The following UBTD2 variants were observed in gnomAD, a reference collection of about 807,000 sequenced individuals.
UBTD2 encodes the protein ubiquitin domain-containing protein 2.
Under a neutral mutation model 19.8 loss-of-function variants are expected in UBTD2, and 9 were observed. That is an observed-to-expected ratio of 0.46 (90% CI 0.27 to 0.79). UBTD2 has a LOEUF of 0.79. Ranked by LOEUF, UBTD2 falls within the 30% of genes least tolerant of loss-of-function variation. UBTD2 has a pLI of 0.14. For missense variants in UBTD2, 250 were observed against 300.4 expected (o/e 0.83, Z 1.24); for synonymous variants, 98 against 103.9 (o/e 0.94, Z 0.35).
chr5:172,259,467 A>G (rs189043156), intron 1 of UBTD2, among the ~76,000 whole-genome samples: 67 of 152,166 alleles, frequency 4.4e-4, no homozygotes, highest in African/African-American at 1.5e-3. Flanking sequence ...AAATGACTAT[A>G]ATTATAGTAA....
intron 2 of UBTD2, among the ~76,000 whole-genome samples, chr5:172,216,301 T>C (rs1190436897): frequency 6.6e-6 from 1 of 151,634 alleles, no homozygotes; most frequent in East Asian, 1.9e-4. Context: ...AACATACACA[T>C]GATGGGAACA....
intron 2 of UBTD2, among the ~76,000 whole-genome samples, chr5:172,218,790 T>TAAAAAAAAAAAAAAAAAAAAAA (rs1200379659): frequency 2.0e-5 from 1 of 51,026 alleles, no homozygotes; most frequent in Non-Finnish European, 4.0e-5. Context: ...AAAAAAAAAA[T>TAAAAAAAAAAAAAAAAAAAAAA]AAAAAAATAA....
At chr5:172,244,349 T>C (rs1461586509) in intron 1 of UBTD2, among the ~76,000 whole-genome samples, 1 of 141,270 alleles carries the variant, frequency 7.1e-6, no homozygotes, top group African/African-American at 2.7e-5. Context: ...CAGGCTGGAG[T>C]GCAGTGGCAC....
At chr5:172,251,314 C>CAAAAAAAAAAAAAGAAAAAAAAAAAA (rs57577423) in intron 1 of UBTD2, among the ~76,000 whole-genome samples, 29 of 118,192 alleles carry the variant, frequency 2.5e-4, no homozygotes, top group African/African-American at 8.9e-4. Context: ...GAGCCTATCT[C>CAAAAAAAAAAAAAGAAAAAAAAAAAA]AAAAAAAAAA....
intron 1 of UBTD2, among the ~76,000 whole-genome samples, chr5:172,240,681 T>C (rs1234142838): frequency 6.6e-6 from 1 of 152,172 alleles, no homozygotes; most frequent in East Asian, 1.9e-4. Context: ...CTTTTCTTAA[T>C]GGGTCAGTCT....
intron 1 of UBTD2, among the ~76,000 whole-genome samples, chr5:172,280,095 G>C (rs930221379): frequency 1.3e-5 from 2 of 150,168 alleles, no homozygotes; most frequent in Non-Finnish European, 3.0e-5. Context: ...AGAGTGAAAC[G>C]ACGTCTCAAA....
rs117375432 is a variant in UBTD2 at position 172,266,759 on chromosome 5, G to A, written c.70+16837C>T. On this transcript the variant is annotated intron_variant, in intron 1 of 2. Transcript: ENST00000393792. ...TACATTAAGCAGCCAAAAGTTGGCC[G>A]GCTGCAGTAGCTCATGCCTGTGATC... Among the ~76,000 whole-genome samples the A allele has an allele frequency of 1.1e-3, 164 of 152,262 alleles. 3 individuals carry two copies. The East Asian group carries it at 0.03, about 28-fold the overall frequency.
At chr5:172,216,523 TAGG>T (rs1198311587) in intron 2 of UBTD2, among the ~76,000 whole-genome samples, 1 of 124,770 alleles carries the variant, frequency 8.0e-6, no homozygotes, top group African/African-American at 3.2e-5. Flanking sequence ...GAGGCCAAGG[TAGG>T]AGGACTGCTT....
intron 1 of UBTD2, chr5:172,254,543 T>C: frequency 3.4e-6 from 2 of 595,488 alleles, no homozygotes. Context: ...CCCATGTACA[T>C]TTGTAGGGTT....
intron 1 of UBTD2, among the ~76,000 whole-genome samples, chr5:172,256,356 T>C (rs1447685814): frequency 4.6e-5 from 7 of 151,536 alleles, no homozygotes; most frequent in South Asian, 4.2e-4. Flanking sequence ...TGTTAGGTGG[T>C]AGGATAAATG....
chr5:172,266,190 G>A (rs1435287258), intron 1 of UBTD2, among the ~76,000 whole-genome samples: 8 of 151,752 alleles, frequency 5.3e-5, no homozygotes, highest in Admixed American at 4.6e-4. Flanking sequence ...CTCGGCCTCC[G>A]AAAGTGCTGG....
intron 1 of UBTD2, among the ~76,000 whole-genome samples, chr5:172,277,795 C>A (rs1015992117): frequency 6.9e-6 from 1 of 144,320 alleles, no homozygotes; most frequent in Non-Finnish European, 1.5e-5. Context: ...AAAATATCTG[C>A]ATATCATATA....
intron 1 of UBTD2, among the ~76,000 whole-genome samples, chr5:172,238,564 A>C (rs944466946): frequency 6.6e-6 from 1 of 152,128 alleles, no homozygotes; most frequent in Non-Finnish European, 1.5e-5. Context: ...GTAATCTTTA[A>C]ACACTTCTTC....
intron 2 of UBTD2, among the ~76,000 whole-genome samples, chr5:172,231,652 T>C (rs1018624605): frequency 2.0e-5 from 3 of 152,198 alleles, no homozygotes; most frequent in African/African-American, 7.2e-5. Flanking sequence ...TAGGTAATTA[T>C]AAGTACAAAA....
At position 172,211,989 on chromosome 5, in the gene UBTD2, A is replaced by G. The variant is rs770924913; in HGVS notation, c.546T>C (p.His182=). 18 of 1,614,136 alleles carry G rather than the reference A, an allele frequency of 1.1e-5. No homozygotes were observed. In the East Asian group the frequency reaches 3.8e-4, roughly 34 times the overall value. The change falls in exon 3 of 3, where the codon CAT becomes CAC. Residue 182 remains histidine, a synonymous_variant. Coordinates refer to ENST00000393792, the MANE Select transcript of UBTD2 (RefSeq NM_152277.3). The stretch of plus-strand genomic sequence containing the variant: ...TACCTGGTTCCACTCCCTCTGCTGC[A>G]TGCAACCGTCTCTTCATGTGGAATA... The part of the protein sequence containing the change: ...DTVFHMKRRL[H]AAEGVEPGSQ...
chr5:172,218,137 T>C (rs1366957412), intron 2 of UBTD2, among the ~76,000 whole-genome samples: 2 of 152,196 alleles, frequency 1.3e-5, no homozygotes, highest in African/African-American at 4.8e-5. Flanking sequence ...AATGTCTGCT[T>C]ATACCATAAT....
intron 1 of UBTD2, among the ~76,000 whole-genome samples, chr5:172,251,750 T>C (rs1023913265): frequency 1.5e-4 from 23 of 152,216 alleles, no homozygotes; most frequent in African/African-American, 5.3e-4. Flanking sequence ...AGACCTGTCT[T>C]ACAAGAAATG....
chr5:172,233,915 ATATATAC>A (rs1343055517), intron 2 of UBTD2, among the ~76,000 whole-genome samples, 200 bp downstream of exon 2: 1 of 152,148 alleles, frequency 6.6e-6, no homozygotes, highest in Non-Finnish European at 1.5e-5. Context: ...TATTTAAAAA[ATATATAC>A]GTATACACAA....
intron 2 of UBTD2, among the ~76,000 whole-genome samples, chr5:172,216,080 T>C (rs1278289093): frequency 6.6e-6 from 1 of 151,956 alleles, no homozygotes; most frequent in East Asian, 1.9e-4. Flanking sequence ...GTCAGGAGAA[T>C]TGCTTGAACC....
Sources: gnomAD v4.1 joint callset for allele counts (sites outside exome capture counted in the v4.1 genomes callset) on GRCh38, gnomAD v4.1.1 for gene constraint, MANE v1.5 for transcripts, NCBI Gene and HGNC (gene_info 2026-07-23, HGNC 2026-07-21) for gene names.